Variants in MYDGF observed in about 807,000 individuals in gnomAD.
MYDGF encodes the protein myeloid derived growth factor, also known as myeloid-derived growth factor.
Under a neutral mutation model 24.2 loss-of-function variants are expected in MYDGF, and 29 were observed. The observed-to-expected ratio is 1.20, with a 90% CI of 0.89 to 1.63. The LOEUF (loss-of-function observed/expected upper bound fraction) is 1.63, where lower values mean the gene tolerates loss of function less well. Among genes scored for constraint, MYDGF ranks in the 40% most tolerant of loss-of-function variants. The pLI, the probability that MYDGF is intolerant of heterozygous loss-of-function variation, is 0.00. For synonymous variants in MYDGF, 105 were observed against 102.5 expected (o/e 1.02, Z -0.15); for missense variants, 245 against 234.8 (o/e 1.04, Z -0.29).
chr19:4,660,665 T>A lies in MYDGF; in HGVS notation c.369+4A>T, dbSNP rs528778797. ...CGGAGCCTGCCCCACTCCAAGATAC[T>A]CACGTAGGCCATGGCGTACTCAATC... On this transcript the variant is annotated splice_donor_region_variant and intron_variant, in intron 4 of 5. Coordinates refer to ENST00000262947, the MANE Select transcript of MYDGF (RefSeq NM_019107.4). 2.5e-6 allele frequency: 4 copies of A among 1,613,504 alleles called. No homozygotes were observed. The African/African-American group carries it at 5.3e-5, about 22-fold the overall frequency.
chr19:4,667,296 T>C (rs2088529503), intron 2 of MYDGF, among the ~76,000 whole-genome samples: 1 of 151,914 alleles, frequency 6.6e-6, no homozygotes, highest in Non-Finnish European at 1.5e-5. Flanking sequence ...ACCCGGCTAA[T>C]TTTTTGTATT....
chr19:4,664,930 T>C lies in MYDGF; in HGVS notation c.233A>G (p.Gln78Arg), dbSNP rs2088509246. 1.2e-6 allele frequency: 2 copies of C among 1,612,766 alleles called. No individual in the cohort carries two copies. Among genetic ancestry groups the C allele is most frequent in the South Asian group, 2.2e-5 (2 of 90,976 alleles). Reference protein sequence around the residue: ...ASQGGTNEQWQMSLGTSEDHQ... With the variant: ...ASQGGTNEQWRMSLGTSEDHQ... ...GTCTTCGCTGGTCCCCAGACTCATCTGCCATTGCTGGGGAGAGAAGACAGC... is the reference window on the plus strand; with the variant it reads ...GTCTTCGCTGGTCCCCAGACTCATCCGCCATTGCTGGGGAGAGAAGACAGC... The change falls in exon 3 of 6, where the codon CAG (glutamine) becomes CGG (arginine). Residue 78 changes from glutamine to arginine, a missense_variant. Gln to Arg is a conservative substitution (Grantham distance 43, BLOSUM62 1). Transcript: ENST00000262947.
intron 2 of MYDGF, among the ~76,000 whole-genome samples, chr19:4,665,511 C>T (rs2088513428): frequency 6.6e-6 from 1 of 151,686 alleles, no homozygotes; most frequent in African/African-American, 2.4e-5. Context: ...GGCCTAAGAA[C>T]AACTCTTAAA....
chr19:4,659,791 G>T, intron 5 of MYDGF, 140 bp downstream of exon 5: 1 of 737,048 alleles, frequency 1.4e-6, no homozygotes. Context: ...TGACGAGGTG[G>T]CCTTTATAGA....
intron 5 of MYDGF, 93 bp from the exon 6 acceptor site, chr19:4,658,177 AG>A (rs2088438245): frequency 1.9e-6 from 2 of 1,048,484 alleles, no homozygotes; most frequent in African/African-American, 3.2e-5. Context: ...GGGGCTAAGC[AG>A]GCAAGGGGAG....
intron 3 of MYDGF, 86 bp downstream of exon 3, chr19:4,664,790 C>T: frequency 1.4e-6 from 2 of 1,468,482 alleles, no homozygotes; most frequent in African/African-American, 2.8e-5. Flanking sequence ...GGGTGCAGCC[C>T]TCGTTCCCTG....
chr19:4,662,990 C>T (rs1051306646), intron 3 of MYDGF, among the ~76,000 whole-genome samples: 23 of 151,810 alleles, frequency 1.5e-4, no homozygotes, highest in African/African-American at 3.6e-4. Flanking sequence ...CCTCCCTGTC[C>T]TCATTTTACA....
At chr19:4,661,362 C>T (rs1486816495) in intron 3 of MYDGF, among the ~76,000 whole-genome samples, 1 of 152,188 alleles carries the variant, frequency 6.6e-6, no homozygotes, top group Non-Finnish European at 1.5e-5. Flanking sequence ...TGTCCATTCA[C>T]TGCACATGGC....
intron 3 of MYDGF, among the ~76,000 whole-genome samples, chr19:4,661,700 C>T (rs544568408): frequency 2.2e-4 from 33 of 152,150 alleles, no homozygotes; most frequent in African/African-American, 6.7e-4. Flanking sequence ...CGGGGGTATC[C>T]AGGGAGCCCT....
At chr19:4,668,508 G>T in intron 2 of MYDGF, 87 bp downstream of exon 2, 5 of 1,201,154 alleles carry the variant, frequency 4.2e-6, no homozygotes, top group South Asian at 1.2e-5. Context: ...ATATAGGTGA[G>T]ACCCAACCCT....
chr19:4,664,500 A>G (rs1012981030), intron 3 of MYDGF, among the ~76,000 whole-genome samples: 1 of 151,808 alleles, frequency 6.6e-6, no homozygotes, highest in African/African-American at 2.4e-5. Flanking sequence ...AAAAAAAAAA[A>G]AAAAAAAATT....
At chr19:4,667,794 C>T (rs112384614) in intron 2 of MYDGF, among the ~76,000 whole-genome samples, 3,037 of 152,086 alleles carry the variant, frequency 0.02, 105 homozygotes, top group African/African-American at 0.07. Context: ...ACCTCCTGGG[C>T]TCAAGCGATC....
intron 2 of MYDGF, 25 bp from the exon 3 acceptor site, chr19:4,664,962 C>G: frequency 1.2e-6 from 2 of 1,609,564 alleles, no homozygotes; most frequent in Non-Finnish European, 1.7e-6. Context: ...CAGCGCGGGT[C>G]AGCCCCGGAC....
intron 2 of MYDGF, 28 bp downstream of exon 2, chr19:4,668,567 A>G: frequency 6.3e-7 from 1 of 1,591,330 alleles, no homozygotes; most frequent in South Asian, 1.1e-5. Context: ...CTGTCACAGT[A>G]AGCTAGAGGG....
intron 2 of MYDGF, among the ~76,000 whole-genome samples, chr19:4,665,261 G>A (rs2088511746): frequency 6.6e-6 from 1 of 152,130 alleles, no homozygotes; most frequent in East Asian, 1.9e-4. Context: ...CTCTCTCTGT[G>A]GCCTGGGCTG....
Position 4,659,989 on chromosome 19 carries a change from A to C in MYDGF, c.384T>G (p.Phe128Leu). The C allele has an allele frequency of 6.2e-7, 1 of 1,613,984 alleles. No individual in the cohort carries two copies. The highest frequency in any genetic ancestry group is 8.5e-7 in the Non-Finnish European group (1 of 1,179,990). The change falls in exon 5 of 6, where the codon TTT becomes TTG. Residue 128 changes from phenylalanine to leucine, a missense_variant. Phe to Leu is a conservative substitution (Grantham distance 22, BLOSUM62 0). Coordinates refer to ENST00000262947, the MANE Select transcript of MYDGF (RefSeq NM_019107.4). The part of the protein sequence containing the change: ...EYAMAYSKAA[F>L]ERESDVPLKT... ...TCAGAGGGACATCACTTTCCCTTTC[A>C]AATGCGGCTTTAGACTGAAAAAGAA...
At chr19:4,659,903 C>T in intron 5 of MYDGF, 28 bp downstream of exon 5, 1 of 1,608,478 alleles carries the variant, frequency 6.2e-7, no homozygotes, top group Non-Finnish European at 8.5e-7. Context: ...GGTGGCGTCA[C>T]CTCTACCCCA....
chr19:4,658,607 T>C (rs2088443167), intron 5 of MYDGF, among the ~76,000 whole-genome samples: 1 of 151,980 alleles, frequency 6.6e-6, no homozygotes, highest in African/African-American at 2.4e-5. Flanking sequence ...GCTCGGCGCC[T>C]CCGATTCCTC....
intron 2 of MYDGF, among the ~76,000 whole-genome samples, chr19:4,667,290 G>C (rs566995799): frequency 2.0e-5 from 3 of 152,070 alleles, no homozygotes; most frequent in Non-Finnish European, 4.4e-5. Context: ...CAAAACACCC[G>C]GCTAATTTTT....
Sources: allele counts gnomAD v4.1 joint callset (sites outside exome capture counted in the v4.1 genomes callset), GRCh38; gene constraint gnomAD v4.1.1; transcripts MANE v1.5; gene names NCBI Gene and HGNC (gene_info 2026-07-23, HGNC 2026-07-21).